Variants in MDGA2 observed in about 807,000 individuals in gnomAD.
MDGA2 encodes the protein MAM domain-containing glycosylphosphatidylinositol anchor protein 2.
A neutral mutation model predicts 117.8 loss-of-function variants in MDGA2; 40 were observed. The ratio of observed to expected loss-of-function variants is 0.34; its 90% CI spans 0.26 to 0.44. MDGA2 has a LOEUF of 0.44. Among genes scored for constraint, MDGA2 ranks in the 20% least tolerant of loss-of-function variants. The probability of loss-of-function intolerance (pLI) is 1.00; values close to 1 mark genes in which losing one functional copy is unlikely to be tolerated. For missense variants in MDGA2, 1,123 were observed against 1,250.6 expected (o/e 0.90, Z 1.54); for synonymous variants, 452 against 439.0 (o/e 1.03, Z -0.37).
At chr14:47,019,239 G>A (rs1337771999) in intron 8 of MDGA2, among the ~76,000 whole-genome samples, 2 of 152,092 alleles carry the variant, frequency 1.3e-5, no homozygotes, top group Non-Finnish European at 1.5e-5. Flanking sequence ...AAACAATGCC[G>A]ATGTCTTGAG....
At chr14:47,073,772 T>G (rs1890381895) in intron 6 of MDGA2, among the ~76,000 whole-genome samples, 1 of 152,220 alleles carries the variant, frequency 6.6e-6, no homozygotes, top group Non-Finnish European at 1.5e-5. Flanking sequence ...GGCAGCTTCA[T>G]GGGTACTGGA....
chr14:47,464,138 CACACACAG>C, intron 1 of MDGA2, among the ~76,000 whole-genome samples: 1 of 149,808 alleles, frequency 6.7e-6, no homozygotes, highest in Non-Finnish European at 1.5e-5. Flanking sequence ...CACACACACA[CACACACAG>C]AGCCTCTGTT....
intron 4 of MDGA2, among the ~76,000 whole-genome samples, chr14:47,143,755 T>C (rs1259025657): frequency 6.6e-6 from 1 of 152,146 alleles, no homozygotes; most frequent in Non-Finnish European, 1.5e-5. Context: ...TGAGAAATAC[T>C]TTCCACAAAA....
intron 8 of MDGA2, among the ~76,000 whole-genome samples, chr14:46,973,098 T>C (rs2096133): frequency 0.7 from 106,104 of 151,956 alleles, 38,123 homozygotes; most frequent in African/African-American, 0.84. Context: ...GCCCAAAATC[T>C]GGAAGACTGA....
intron 8 of MDGA2, among the ~76,000 whole-genome samples, chr14:47,021,107 AATTT>A (rs1888270007): frequency 1.3e-5 from 2 of 152,190 alleles, no homozygotes; most frequent in Non-Finnish European, 2.9e-5. Context: ...AATTTAAGTC[AATTT>A]ATCAAGCATT....
chr14:47,279,650 A>C (rs901419522), intron 2 of MDGA2, among the ~76,000 whole-genome samples: 2 of 150,492 alleles, frequency 1.3e-5, no homozygotes, highest in Non-Finnish European at 3.0e-5. Flanking sequence ...CTATCCTGTG[A>C]TTTTTTTTAA....
chr14:47,520,931 T>A (rs1372287544), intron 1 of MDGA2, among the ~76,000 whole-genome samples: 1 of 152,204 alleles, frequency 6.6e-6, no homozygotes, highest in Non-Finnish European at 1.5e-5. Context: ...TGTCAAACAA[T>A]ATCAGTACAG....
intron 8 of MDGA2, among the ~76,000 whole-genome samples, chr14:47,001,694 C>T (rs1200059457): frequency 6.6e-6 from 1 of 152,002 alleles, no homozygotes; most frequent in Non-Finnish European, 1.5e-5. Flanking sequence ...AAAGAATCCA[C>T]ATTACCCCAA....
chr14:46,915,756 A>G (rs1281264392), intron 10 of MDGA2, among the ~76,000 whole-genome samples: 3 of 152,178 alleles, frequency 2.0e-5, no homozygotes, highest in African/African-American at 7.2e-5. Context: ...AGGAGGCATC[A>G]TTAAGGAACT....
intron 8 of MDGA2, among the ~76,000 whole-genome samples, chr14:47,029,811 C>A (rs1356815814): frequency 6.6e-6 from 1 of 151,842 alleles, no homozygotes; most frequent in Non-Finnish European, 1.5e-5. Flanking sequence ...TAAGCATATC[C>A]TGTATCCTGT....
rs376319164 is a variant in MDGA2 at position 47,048,105 on chromosome 14, A to G, written c.1526-12801T>C. ...TCAGCTCTCATTCTATTTCTATGAA[A>G]TAACGAGTTTTGGACATCCCTATAT... On this transcript the variant is annotated intron_variant, in intron 7 of 16. Coordinates refer to ENST00000399232, the MANE Select transcript of MDGA2 (RefSeq NM_001113498.3). Among the ~76,000 whole-genome samples the G allele has an allele frequency of 1.8e-4, 28 of 152,210 alleles. No homozygotes were observed. The South Asian group carries it at 5.4e-3, about 29-fold the overall frequency.
chr14:47,623,078 C>T (rs1897079107), intron 1 of MDGA2, among the ~76,000 whole-genome samples: 1 of 152,148 alleles, frequency 6.6e-6, no homozygotes, highest in Non-Finnish European at 1.5e-5. Context: ...AGGGCTCTGC[C>T]TTCATGAATG....
intron 10 of MDGA2, among the ~76,000 whole-genome samples, chr14:46,908,580 G>C (rs1393929095): frequency 6.6e-6 from 1 of 152,038 alleles, no homozygotes; most frequent in Non-Finnish European, 1.5e-5. Context: ...CAAGTGATCT[G>C]TCTTATAAAC....
rs572866477 is a variant in MDGA2, at chr14:47,058,736, T to A, written c.1525+2513A>T. On this transcript the variant is annotated intron_variant, in intron 7 of 16. Coordinates refer to ENST00000399232, the MANE Select transcript of MDGA2 (RefSeq NM_001113498.3). ...AGCAAATTGGAACATCAAAGGTCAG[T>A]TTTGGCTTGAAGACAGAATATGTAA... is the stretch of plus-strand genomic sequence containing the variant. 1.0e-5 allele frequency: 10 copies of A among 985,378 alleles called. No homozygotes were observed. The South Asian group carries it at 4.2e-4, about 42-fold the overall frequency. The allele number at this position is 985,378 out of a possible 1,614,324, so 61.0% of individuals were successfully genotyped here. A position where few individuals can be genotyped will look rare whatever the true frequency, so the allele number is the denominator to read the frequency against.
intron 1 of MDGA2, among the ~76,000 whole-genome samples, chr14:47,494,485 T>A (rs1322138812): frequency 6.6e-6 from 1 of 152,172 alleles, no homozygotes; most frequent in African/African-American, 2.4e-5. Flanking sequence ...CTTTAGGTTG[T>A]CTGTTTATTC....
chr14:47,278,197 G>T (rs982519737), intron 2 of MDGA2, among the ~76,000 whole-genome samples: 8 of 151,934 alleles, frequency 5.3e-5, no homozygotes, highest in Admixed American at 6.6e-5. Context: ...AATCAGAAAA[G>T]TTACTGCAAT....
At chr14:47,148,426 C>A (rs565095503) in intron 3 of MDGA2, among the ~76,000 whole-genome samples, 1 of 152,222 alleles carries the variant, frequency 6.6e-6, no homozygotes, top group Admixed American at 6.5e-5. Context: ...GGGTAGCACC[C>A]ACTCCTTACT....
chr14:47,598,599 A>T (rs986450730), intron 1 of MDGA2, among the ~76,000 whole-genome samples: 1 of 152,192 alleles, frequency 6.6e-6, no homozygotes. Flanking sequence ...GACTTCACTC[A>T]CATGAGGTAT....
Position 47,096,998 on chromosome 14 carries a change from C to CTGA in MDGA2, c.1050_1051insTCA (p.Phe350_Gly351insSer). ...AAAACAGTCTTTTCAGGCAGAGTCC[C>CTGA]AAAGGACCTGACCCAGGTGAGAGAA... On this transcript the variant is annotated inframe_insertion, in exon 6 of 17. Coordinates refer to ENST00000399232, the MANE Select transcript of MDGA2 (RefSeq NM_001113498.3). The CTGA allele has an allele frequency of 6.2e-7, 1 of 1,613,320 alleles. No homozygotes were observed. Among genetic ancestry groups the CTGA allele is most frequent in the Non-Finnish European group, 8.5e-7 (1 of 1,179,518 alleles).
Sources: gnomAD v4.1 joint callset for allele counts (sites outside exome capture counted in the v4.1 genomes callset) on GRCh38, gnomAD v4.1.1 for gene constraint, MANE v1.5 for transcripts, NCBI Gene and HGNC (gene_info 2026-07-23, HGNC 2026-07-21) for gene names.